The following MBNL2 variants were observed in gnomAD, a reference collection of about 807,000 sequenced individuals.
MBNL2 encodes muscleblind like splicing regulator 2.
A neutral mutation model predicts 41.9 loss-of-function variants in MBNL2; 17 were observed. The observed-to-expected ratio is 0.41, with a 90% CI of 0.28 to 0.61. MBNL2 has a LOEUF of 0.61. Among genes scored for constraint, MBNL2 ranks in the 20% least tolerant of loss-of-function variants. MBNL2 has a pLI of 0.35. For synonymous variants in MBNL2, 195 were observed against 182.9 expected (o/e 1.07, Z -0.53); for missense variants, 336 against 505.6 (o/e 0.66, Z 3.22).
At chr13:97,272,942 AT>A (rs773294368) in intron 1 of MBNL2, among the ~76,000 whole-genome samples, 4 of 152,238 alleles carry the variant, frequency 2.6e-5, no homozygotes, top group Non-Finnish European at 5.9e-5. Context: ...GGGAAAAAAT[AT>A]ATATTTCTTC....
chr13:97,289,850 G>C (rs775756897), intron 2 of MBNL2, among the ~76,000 whole-genome samples: 4 of 152,162 alleles, frequency 2.6e-5, no homozygotes, highest in Admixed American at 6.5e-5. Flanking sequence ...AACCTAGCTT[G>C]ATTTGCAAAC....
At chr13:97,245,423 C>A (rs2045263937) in intron 1 of MBNL2, among the ~76,000 whole-genome samples, 1 of 152,104 alleles carries the variant, frequency 6.6e-6, no homozygotes, top group Non-Finnish European at 1.5e-5. Context: ...CAAGTGGTTA[C>A]AAAGCTAGGA....
the MBNL2 span, among the ~76,000 whole-genome samples, chr13:97,195,790 A>G: frequency 1.3e-5 from 2 of 152,198 alleles, no homozygotes; most frequent in Admixed American, 6.5e-5. Context: ...AATATTGCCA[A>G]TTGACATGTA....
At chr13:97,276,837 C>T (rs1457534259) in intron 2 of MBNL2, among the ~76,000 whole-genome samples, 18 of 150,696 alleles carry the variant, frequency 1.2e-4, no homozygotes, top group African/African-American at 3.7e-4. Flanking sequence ...TTCCTTTGAC[C>T]GAGTACTTCC....
At chr13:97,339,863 T>TTG (rs370964726) in intron 3 of MBNL2, among the ~76,000 whole-genome samples, 5,473 of 115,158 alleles carry the variant, frequency 0.048, 441 homozygotes, top group African/African-American at 0.13. Context: ...GGCAACTGAT[T>TTG]TGTGTGTGGG....
intron 1 of MBNL2, among the ~76,000 whole-genome samples, chr13:97,262,774 A>AT (rs774881151): frequency 1.6e-4 from 24 of 150,636 alleles, no homozygotes; most frequent in East Asian, 9.8e-4. Flanking sequence ...TTTTTTAATA[A>AT]TTTTTTTTGA....
the MBNL2 span, among the ~76,000 whole-genome samples, chr13:97,168,494 T>TC: frequency 6.6e-6 from 1 of 152,194 alleles, no homozygotes; most frequent in Non-Finnish European, 1.5e-5. Flanking sequence ...CTTTATTTTT[T>TC]CCCCTGGGAC....
At chr13:97,240,296 C>T (rs2044030223) in intron 1 of MBNL2, among the ~76,000 whole-genome samples, 1 of 152,240 alleles carries the variant, frequency 6.6e-6, no homozygotes, top group African/African-American at 2.4e-5. Context: ...ACTAGCTGCA[C>T]AACTTCAGGC....
At chr13:97,328,094 C>G (rs2060057831) in intron 2 of MBNL2, among the ~76,000 whole-genome samples, 2 of 152,028 alleles carry the variant, frequency 1.3e-5, no homozygotes, top group Non-Finnish European at 2.9e-5. Flanking sequence ...CACAAGGTCC[C>G]ACTTGCCCAA....
chr13:97,243,747 C>T (rs2044813907), intron 1 of MBNL2, among the ~76,000 whole-genome samples: 1 of 152,100 alleles, frequency 6.6e-6, no homozygotes, highest in Non-Finnish European at 1.5e-5. Context: ...GGGGAAAAAA[C>T]AACAAACGAA....
the MBNL2 span, among the ~76,000 whole-genome samples, chr13:97,212,832 G>C: frequency 6.6e-6 from 1 of 152,196 alleles, no homozygotes; most frequent in African/African-American, 2.4e-5. Flanking sequence ...ATGGAGGAAA[G>C]AGATGAGTAA....
chr13:97,199,300 A>T, the MBNL2 span, among the ~76,000 whole-genome samples: 2 of 152,094 alleles, frequency 1.3e-5, no homozygotes, highest in African/African-American at 4.8e-5. Flanking sequence ...CACTTTCCAT[A>T]TGGCAATTTC....
the MBNL2 span, among the ~76,000 whole-genome samples, chr13:97,190,108 C>G: frequency 6.6e-6 from 1 of 152,238 alleles, no homozygotes; most frequent in Non-Finnish European, 1.5e-5. Flanking sequence ...TTTCCATGTG[C>G]TATCTTAGCA....
chr13:97,347,288 A>C (rs2061972018), intron 5 of MBNL2, among the ~76,000 whole-genome samples: 1 of 152,092 alleles, frequency 6.6e-6, no homozygotes, highest in Non-Finnish European at 1.5e-5. Context: ...AGGTGCAGGG[A>C]AAGTCCTGGG....
At chr13:97,372,432 T>G (rs556910856) in intron 8 of MBNL2, among the ~76,000 whole-genome samples, 1 of 152,180 alleles carries the variant, frequency 6.6e-6, no homozygotes, top group East Asian at 1.9e-4. Context: ...TCTTCTGAAC[T>G]CTCCTCCAAA....
In MBNL2 at chr13:97,267,185, G is replaced by A. The variant is rs573001312; in HGVS notation, c.-604-8447G>A. ...TCTGAGAGGCGTGGAATGGAGGGAGGTCGCCTCCTTGCAGAGTGAAAAGCC... is the reference window on the plus strand; with the variant it reads ...TCTGAGAGGCGTGGAATGGAGGGAGATCGCCTCCTTGCAGAGTGAAAAGCC... On this transcript the variant is annotated intron_variant, in intron 1 of 8. Coordinates refer to ENST00000679496, the MANE Select transcript of MBNL2 (RefSeq NM_001382683.1). 2.6e-5 allele frequency among the ~76,000 whole-genome samples: 4 copies of A among 152,202 alleles called. No individual in the cohort carries two copies. The East Asian group carries it at 7.7e-4, about 29-fold the overall frequency.
At chr13:97,148,199 CA>C in the MBNL2 span, among the ~76,000 whole-genome samples, 1 of 152,008 alleles carries the variant, frequency 6.6e-6, no homozygotes, top group East Asian at 1.9e-4. Flanking sequence ...AAGGAAATTT[CA>C]AAAAATAGAG....
intron 1 of MBNL2, among the ~76,000 whole-genome samples, chr13:97,230,281 G>A (rs2042206465): frequency 6.6e-6 from 1 of 152,186 alleles, no homozygotes; most frequent in South Asian, 2.1e-4. Flanking sequence ...TAGGAGGAGT[G>A]ATATCAATGG....
At chr13:97,362,054 G>A (rs2063455791) in intron 7 of MBNL2, among the ~76,000 whole-genome samples, 1 of 152,090 alleles carries the variant, frequency 6.6e-6, no homozygotes, top group South Asian at 2.1e-4. Context: ...TTACAGGCGT[G>A]AGCCACTGTG....
Sources: gnomAD v4.1 joint callset for allele counts (sites outside exome capture counted in the v4.1 genomes callset) on GRCh38, gnomAD v4.1.1 for gene constraint, MANE v1.5 for transcripts, NCBI Gene and HGNC (gene_info 2026-07-23, HGNC 2026-07-21) for gene names.